CFAP47: variants seen among roughly 807,000 people sequenced by gnomAD.
CFAP47 encodes the protein cilia and flagella associated protein 47, also known as cilia- and flagella-associated protein 47.
CFAP47 carries 29 observed loss-of-function variants against 148.1 expected under a neutral mutation model. The ratio of observed to expected loss-of-function variants is 0.20; its 90% CI spans 0.15 to 0.27. CFAP47 has a LOEUF of 0.27. Among genes scored for constraint, CFAP47 ranks in the 10% least tolerant of loss-of-function variants. The pLI, the probability that CFAP47 is intolerant of heterozygous loss-of-function variation, is 1.00. For synonymous variants in CFAP47, 664 were observed against 577.3 expected, an observed-to-expected ratio of 1.15 and a Z score of -2.15; for missense variants, 1,872 against 1,697.5, an observed-to-expected ratio of 1.10 and a Z score of -1.81.
At chrX:36,312,276 G>A (rs1372511517) in intron 56 of CFAP47, among the ~76,000 whole-genome samples, 4 of 110,549 alleles carry the variant, frequency 3.6e-5, no homozygotes, top group Admixed American at 1.9e-4. Context: ...GTAGTGGAAG[G>A]GCTTTGGAAT....
chrX:35,972,784 T>C (rs151091246), intron 13 of CFAP47, among the ~76,000 whole-genome samples: 1 of 111,528 alleles, frequency 9.0e-6, no homozygotes, highest in African/African-American at 3.3e-5. Flanking sequence ...GATGGACATT[T>C]AGTTGTTTTC....
intron 33 of CFAP47, among the ~76,000 whole-genome samples, chrX:36,122,770 C>T (rs1482036710): frequency 9.0e-6 from 1 of 111,692 alleles, no homozygotes; most frequent in Non-Finnish European, 1.9e-5. Flanking sequence ...TCTAAATGGT[C>T]ACCTATCTGT....
At chrX:36,109,086 G>A (rs1392550243) in intron 33 of CFAP47, among the ~76,000 whole-genome samples, 1 of 110,929 alleles carries the variant, frequency 9.0e-6, no homozygotes, top group Non-Finnish European at 1.9e-5. Flanking sequence ...AAGGTTAATG[G>A]CCTCCAGTTC....
intron 15 of CFAP47, among the ~76,000 whole-genome samples, chrX:35,978,050 G>A (rs2146672099): frequency 8.9e-6 from 1 of 112,119 alleles, no homozygotes; most frequent in South Asian, 3.7e-4. Flanking sequence ...TGAAAATACT[G>A]GATCCTGCCT....
intron 49 of CFAP47, among the ~76,000 whole-genome samples, chrX:36,270,335 C>T (rs962776853): frequency 1.3e-4 from 14 of 110,726 alleles, no homozygotes; most frequent in African/African-American, 4.6e-4. Context: ...AATAGGGTTA[C>T]TCATTCTAAT....
intron 62 of CFAP47, chrX:36,368,132 G>C (rs1188769613): frequency 9.0e-6 from 1 of 111,450 alleles, no homozygotes; most frequent in Non-Finnish European, 1.9e-5. Flanking sequence ...TAATAATTAG[G>C]CTTGGCAACA....
intron 57 of CFAP47, among the ~76,000 whole-genome samples, chrX:36,323,853 C>G (rs782534360): frequency 9.0e-6 from 1 of 111,369 alleles, no homozygotes; most frequent in Non-Finnish European, 1.9e-5. Context: ...CTATATTTTT[C>G]CCATTGGAAA....
chrX:36,377,234 C>T (rs1221638150), intron 62 of CFAP47, among the ~76,000 whole-genome samples: 3 of 111,696 alleles, frequency 2.7e-5, no homozygotes, highest in Non-Finnish European at 5.6e-5. Flanking sequence ...GTTTACACTC[C>T]CACCAACAGT....
intron 46 of CFAP47, among the ~76,000 whole-genome samples, chrX:36,235,450 C>T (rs1269450218): frequency 8.9e-6 from 1 of 112,337 alleles, no homozygotes; most frequent in Non-Finnish European, 1.9e-5. Context: ...TCCTGGTGCG[C>T]CATTTTTTTA....
chrX:35,983,679 G>A (rs753141488), intron 15 of CFAP47, among the ~76,000 whole-genome samples: 1 of 111,041 alleles, frequency 9.0e-6, no homozygotes, highest in East Asian at 2.8e-4. Flanking sequence ...ATGAAGGGAT[G>A]TGGAATTATA....
chrX:36,149,618 T>TTTTA lies in CFAP47; in HGVS notation c.5786+398_5786+399insATTT, dbSNP rs1236533810. Among the ~76,000 whole-genome samples, 137 of 25,995 alleles carry TTTTA rather than the reference T, an allele frequency of 5.3e-3. 1 individual carries two copies. In the East Asian group the frequency reaches 0.36, roughly 69 times the overall value. 22.6% of individuals were successfully genotyped at this position (25,995 alleles called of 115,157 possible). A position where few individuals can be genotyped will look rare whatever the true frequency, so the allele number is the denominator to read the frequency against. On this transcript the variant is annotated intron_variant, in intron 37 of 63. Transcript: ENST00000378653. ...TTTATTTATTTATTTATTTATTTTA[T>TTTTA]TTTTTTTTGAGACTGGGTTTCCCTC... is the stretch of plus-strand genomic sequence containing the variant.
At chrX:36,033,049 A>G (rs1008032696) in intron 23 of CFAP47, among the ~76,000 whole-genome samples, 1 of 111,898 alleles carries the variant, frequency 8.9e-6, no homozygotes, top group Non-Finnish European at 1.9e-5. Flanking sequence ...AGAAAGGAAC[A>G]CAGTTCCTGC....
At chrX:36,376,121 T>G (rs1246984422) in intron 62 of CFAP47, among the ~76,000 whole-genome samples, 1 of 112,102 alleles carries the variant, frequency 8.9e-6, no homozygotes, top group Non-Finnish European at 1.9e-5. Context: ...TCTCTTAGTC[T>G]TCACAGACTG....
In CFAP47 at chrX:36,228,748, T is replaced by C; in HGVS notation, c.6938T>C (p.Val2313Ala). 2 of 525,264 alleles carry C rather than the reference T, an allele frequency of 3.8e-6. No individual in the cohort carries two copies. Among genetic ancestry groups the C allele is most frequent in the Non-Finnish European group, 7.0e-6 (2 of 286,456 alleles). The allele number at this position is 525,264 out of a possible 1,213,427, so 43.3% of individuals were successfully genotyped here. ...DVRAYYVEGI[V>A]NEEQPEAKFE... ...CGTGCCTATTATGTTGAAGGTATTG[T>C]GAATGAAGAACAACCAGAGGCCAAA... Residue 2313 changes from valine to alanine, a missense_variant, in exon 46 of 64, where the codon GTG becomes GCG. Val to Ala is a moderately conservative substitution (Grantham distance 64). Coordinates refer to ENST00000378653, the MANE Select transcript of CFAP47 (RefSeq NM_001304548.2).
At chrX:36,371,944 A>G (rs1353179593) in intron 62 of CFAP47, among the ~76,000 whole-genome samples, 6 of 93,150 alleles carry the variant, frequency 6.4e-5, no homozygotes, top group South Asian at 4.8e-4. Context: ...ACATGTGTAT[A>G]TGTGTGTGTA....
intron 25 of CFAP47, among the ~76,000 whole-genome samples, chrX:36,045,701 G>C (rs1411109868): frequency 8.9e-6 from 1 of 112,209 alleles, no homozygotes; most frequent in Non-Finnish European, 1.9e-5. Flanking sequence ...GTTTAAACGG[G>C]AAATAGTAGT....
rs191648388 is a variant in CFAP47 at position 36,236,088 on chromosome X, C to T, written c.7158+11C>T. ...GAATGTGTCATTACGGTATGAACTC[C>T]TTGATATTTTCCCCAGTATTAATTA... is the stretch of plus-strand genomic sequence containing the variant. On this transcript the variant is annotated intron_variant, in intron 47 of 63. Transcript: ENST00000378653. 1.6e-4 allele frequency: 75 copies of T among 457,138 alleles called. No individual in the cohort carries two copies. The East Asian group carries it at 2.5e-3, about 15-fold the overall frequency. 37.7% of individuals were successfully genotyped at this position (457,138 alleles called of 1,213,427 possible). A position where few individuals can be genotyped will look rare whatever the true frequency, so the allele number is the denominator to read the frequency against.
chrX:35,970,543 A>G, intron 10 of CFAP47, among the ~76,000 whole-genome samples: 1 of 110,869 alleles, frequency 9.0e-6, no homozygotes, highest in Non-Finnish European at 1.9e-5. Flanking sequence ...CAGTGACCTT[A>G]CAACGGATTT....
At chrX:36,136,197 A>T (rs1289308052) in intron 33 of CFAP47, among the ~76,000 whole-genome samples, 1 of 94,365 alleles carries the variant, frequency 1.1e-5, no homozygotes, top group Non-Finnish European at 2.1e-5. Flanking sequence ...ACAGGATAAC[A>T]GTTAGTTGTT....
Sources: allele counts gnomAD v4.1 joint callset (sites outside exome capture counted in the v4.1 genomes callset), GRCh38; gene constraint gnomAD v4.1.1; transcripts MANE v1.5; gene names NCBI Gene and HGNC (gene_info 2026-07-23, HGNC 2026-07-21).